Variants in C3orf49 observed in about 807,000 individuals in gnomAD.
C3orf49 encodes chromosome 3 open reading frame 49.
C3orf49 carries 27 observed loss-of-function variants against 13.3 expected under a neutral mutation model. That is an observed-to-expected ratio of 2.02 (90% CI 1.49 to 2.79). The LOEUF (loss-of-function observed/expected upper bound fraction) is 2.79, where lower values mean the gene tolerates loss of function less well. C3orf49 is among the 30% of genes most tolerant of loss of function. The probability of loss-of-function intolerance (pLI) is 0.00; values close to 1 mark genes in which losing one functional copy is unlikely to be tolerated. For synonymous variants in C3orf49, 87 were observed against 47.6 expected (o/e 1.83, Z -3.40); for missense variants, 242 against 134.2 (o/e 1.80, Z -3.97).
At chr3:63,817,768 T>A (rs1457035307), upstream of C3orf49, among the ~76,000 whole-genome samples, 2 of 152,102 alleles carry the variant, frequency 1.3e-5, no homozygotes, top group Non-Finnish European at 2.9e-5. Flanking sequence ...TTCAGCCTAT[T>A]ACATACACAC....
the C3orf49 span, among the ~76,000 whole-genome samples, chr3:63,788,615 G>A: frequency 6.6e-6 from 1 of 151,998 alleles, no homozygotes; most frequent in Admixed American, 6.6e-5. Context: ...AGGGCCAACA[G>A]AGAGGGGTAA....
intron 6 of C3orf49, among the ~76,000 whole-genome samples, chr3:63,845,484 C>A (rs1701872209): frequency 6.6e-6 from 1 of 152,202 alleles, no homozygotes; most frequent in African/African-American, 2.4e-5. Flanking sequence ...GTGCGTTACA[C>A]TCTCTGTGGC....
At chr3:63,807,247 G>A in the C3orf49 span, among the ~76,000 whole-genome samples, 2 of 152,056 alleles carry the variant, frequency 1.3e-5, no homozygotes, top group Non-Finnish European at 2.9e-5. Context: ...CACTGCACCC[G>A]GGCCCTCATA....
chr3:63,780,296 C>T, the C3orf49 span, among the ~76,000 whole-genome samples: 2 of 152,126 alleles, frequency 1.3e-5, no homozygotes, highest in Admixed American at 6.5e-5. Context: ...CAGCTTCATC[C>T]ATGTCCCTAC....
the C3orf49 span, among the ~76,000 whole-genome samples, chr3:63,787,543 A>T: frequency 1.1e-4 from 16 of 151,650 alleles, no homozygotes; most frequent in East Asian, 1.9e-4. Flanking sequence ...ACCCTTTTTT[A>T]AAAAAAAATT....
At chr3:63,791,269 G>A in the C3orf49 span, among the ~76,000 whole-genome samples, 1 of 152,166 alleles carries the variant, frequency 6.6e-6, no homozygotes, top group Non-Finnish European at 1.5e-5. Context: ...TGAAATAATT[G>A]TTTGGCTGAA....
chr3:63,791,680 G>T, the C3orf49 span, among the ~76,000 whole-genome samples: 1 of 152,126 alleles, frequency 6.6e-6, no homozygotes, highest in Non-Finnish European at 1.5e-5. Flanking sequence ...TTGCAGTCAA[G>T]ACAAAGAACC....
the C3orf49 span, among the ~76,000 whole-genome samples, chr3:63,799,297 A>G: frequency 2.6e-5 from 4 of 152,130 alleles, no homozygotes; most frequent in Non-Finnish European, 5.9e-5. Context: ...TAATTATTCA[A>G]GTGTACTCAA....
rs143457856 is a variant in C3orf49, at chr3:63,839,812, G to T, written c.850-5211G>T. On this transcript the variant is annotated intron_variant, in intron 5 of 6. Coordinates refer to ENST00000295896, the MANE Select transcript of C3orf49 (RefSeq NM_001355236.2). The stretch of plus-strand genomic sequence containing the variant: ...GGGCAATGTTACCATCTGGCTCTTG[G>T]TAACTTTCAAGTACAAATAACCAGT... 15,409 of 1,560,892 alleles carry T rather than the reference G, an allele frequency of 9.9e-3. 112 individuals are homozygous for T. Among genetic ancestry groups the T allele is most frequent in the Non-Finnish European group, 0.01 (11,879 of 1,134,730 alleles).
At chr3:63,797,074 T>C in the C3orf49 span, among the ~76,000 whole-genome samples, 1 of 152,164 alleles carries the variant, frequency 6.6e-6, no homozygotes, top group Non-Finnish European at 1.5e-5. Flanking sequence ...TTGTTGGATA[T>C]ATTTTATTTA....
At chr3:63,795,474 A>G in the C3orf49 span, among the ~76,000 whole-genome samples, 1 of 152,160 alleles carries the variant, frequency 6.6e-6, no homozygotes, top group African/African-American at 2.4e-5. Flanking sequence ...CAAAATGCCA[A>G]GAATCTGGAC....
intron 6 of C3orf49, among the ~76,000 whole-genome samples, chr3:63,848,003 A>G (rs1433188446): frequency 6.6e-6 from 1 of 152,216 alleles, no homozygotes; most frequent in African/African-American, 2.4e-5. Flanking sequence ...CAGCATGAAC[A>G]TTAAAACAGA....
At chr3:63,807,497 C>T in the C3orf49 span, among the ~76,000 whole-genome samples, 2 of 152,082 alleles carry the variant, frequency 1.3e-5, no homozygotes, top group African/African-American at 4.8e-5. Context: ...AACCAAATCT[C>T]ATGTTTTCAA....
At chr3:63,815,349 G>A (rs1330123876), upstream of C3orf49, among the ~76,000 whole-genome samples, 1 of 152,038 alleles carries the variant, frequency 6.6e-6, no homozygotes, top group East Asian at 1.9e-4. Context: ...GCACACTTCT[G>A]GTACTCCTCA....
At chr3:63,828,988 C>T (rs115557181) in intron 3 of C3orf49, among the ~76,000 whole-genome samples, 198 of 152,256 alleles carry the variant, frequency 1.3e-3, no homozygotes, top group African/African-American at 4.6e-3. Flanking sequence ...AGTGCAGTTC[C>T]CCAGTTGCAC....
At chr3:63,822,435 G>C (rs574929101) in intron 1 of C3orf49, among the ~76,000 whole-genome samples, 1 of 152,184 alleles carries the variant, frequency 6.6e-6, no homozygotes, top group African/African-American at 2.4e-5. Flanking sequence ...TTGTATCACC[G>C]TACAGGTGAT....
chr3:63,787,591 G>C, the C3orf49 span, among the ~76,000 whole-genome samples: 7 of 152,194 alleles, frequency 4.6e-5, 1 homozygote, highest in South Asian at 1.5e-3. Context: ...CTGTCCTTTA[G>C]GGAAGGTTTG....
the C3orf49 span, among the ~76,000 whole-genome samples, chr3:63,803,400 C>T: frequency 6.6e-6 from 1 of 152,166 alleles, no homozygotes; most frequent in African/African-American, 2.4e-5. Flanking sequence ...TCCTCTTGCT[C>T]TCCTCCTTTT....
chr3:63,820,588 G>C (rs1199385859), intron 1 of C3orf49, among the ~76,000 whole-genome samples: 2 of 152,124 alleles, frequency 1.3e-5, no homozygotes, highest in African/African-American at 4.8e-5. Flanking sequence ...CAAAATTCCT[G>C]AATCTCCTGA....
Sources: gnomAD v4.1 joint callset for allele counts (sites outside exome capture counted in the v4.1 genomes callset) on GRCh38, gnomAD v4.1.1 for gene constraint, MANE v1.5 for transcripts, NCBI Gene and HGNC (gene_info 2026-07-23, HGNC 2026-07-21) for gene names.